The following AGXT2 variants were observed in gnomAD, a reference collection of about 807,000 sequenced individuals.
AGXT2 encodes the protein alanine--glyoxylate aminotransferase 2.
Under a neutral mutation model 62.5 loss-of-function variants are expected in AGXT2, and 61 were observed. The ratio of observed to expected loss-of-function variants is 0.98; its 90% CI spans 0.79 to 1.21. AGXT2 has a LOEUF of 1.21. Among genes scored for constraint, AGXT2 ranks in the 50% most tolerant of loss-of-function variants. The probability of loss-of-function intolerance (pLI) is 0.00; values close to 1 mark genes in which losing one functional copy is unlikely to be tolerated. For missense variants in AGXT2, 666 were observed against 641.5 expected (o/e 1.04, Z -0.41); for synonymous variants, 243 against 218.7 (o/e 1.11, Z -0.98).
In AGXT2 at chr5:35,003,818, T is replaced by A. The variant is rs1766324195; in HGVS notation, c.1382A>T (p.His461Leu). Residue 461 changes from histidine to leucine, a missense_variant, in exon 13 of 14, where the codon CAT (histidine) becomes CTT (leucine). Physicochemically the swap from His to Leu is moderately conservative, Grantham distance 99 (BLOSUM62 -3). Coordinates refer to ENST00000231420, the MANE Select transcript of AGXT2 (RefSeq NM_031900.4). ...GAGTCCCATGTGCTTGCAGTCCTCA[T>A]GGATCTGATTTACTTCTTCACGGGG... ...PLPREEVNQI[H>L]EDCKHMGLLV... 10 of 1,614,218 alleles carry A rather than the reference T, an allele frequency of 6.2e-6. No homozygotes were observed. Among genetic ancestry groups the A allele is most frequent in the Non-Finnish European group, 7.6e-6 (9 of 1,180,036 alleles).
chr5:35,039,564 A>G (rs1767905620), intron 2 of AGXT2, 56 bp from the exon 3 acceptor site: 2 of 1,570,824 alleles, frequency 1.3e-6, no homozygotes, highest in Non-Finnish European at 1.7e-6. Flanking sequence ...ATAGCAGTCA[A>G]TCTATGAGTA....
At chr5:35,015,187 A>C (rs1766804820) in intron 9 of AGXT2, among the ~76,000 whole-genome samples, 1 of 152,236 alleles carries the variant, frequency 6.6e-6, no homozygotes, top group Admixed American at 6.5e-5. Context: ...GTACTCTGGG[A>C]AGGCTGCCAT....
intron 9 of AGXT2, among the ~76,000 whole-genome samples, chr5:35,020,166 C>T (rs994715920): frequency 1.7e-4 from 26 of 152,292 alleles, no homozygotes; most frequent in African/African-American, 6.0e-4. Context: ...TGGTACCATT[C>T]CTTCTGAAAC....
At chr5:35,004,930 G>C (rs1766367549) in intron 12 of AGXT2, among the ~76,000 whole-genome samples, 1 of 152,186 alleles carries the variant, frequency 6.6e-6, no homozygotes, top group African/African-American at 2.4e-5. Flanking sequence ...ACCTCCTAGA[G>C]AGATATGTGC....
chr5:35,008,611 A>G (rs1766515632), intron 12 of AGXT2, among the ~76,000 whole-genome samples: 1 of 152,222 alleles, frequency 6.6e-6, no homozygotes, highest in African/African-American at 2.4e-5. Context: ...AAATAAAATT[A>G]TGAGCTGGGG....
At chr5:35,046,582 G>A (rs1768217369) in intron 1 of AGXT2, among the ~76,000 whole-genome samples, 1 of 152,198 alleles carries the variant, frequency 6.6e-6, no homozygotes, top group Non-Finnish European at 1.5e-5. Context: ...TGTGGAATGA[G>A]ATAATAGTAC....
At position 35,025,781 on chromosome 5, in the gene AGXT2, G is replaced by T; in HGVS notation, c.945C>A (p.Gly315=). 6.2e-7 allele frequency: 1 copy of T among 1,614,006 alleles called. No homozygotes were observed. Among genetic ancestry groups the T allele is most frequent in the East Asian group, 2.2e-5 (1 of 44,868 alleles). The change falls in exon 9 of 14, where the codon GGC becomes GGA. Residue 315 remains glycine (G), a synonymous_variant. Coordinates refer to ENST00000231420, the MANE Select transcript of AGXT2 (RefSeq NM_031900.4). ...CACTTACTTCATCTGCAATGCACAC[G>T]CCTCCCCTTGCTCGCACCAGCTCAA... is the stretch of plus-strand genomic sequence containing the variant. ...EAFELVRARG[G]VCIADEVQTG...
Position 35,033,930 on chromosome 5 carries a change from A to G in AGXT2, c.582-377T>C, listed in dbSNP as rs183075179. On this transcript the variant is annotated intron_variant, in intron 5 of 13. Coordinates refer to ENST00000231420, the MANE Select transcript of AGXT2 (RefSeq NM_031900.4). The stretch of plus-strand genomic sequence containing the variant: ...TTTGGGAAGCCAAATATTTTTTCCT[A>G]TGATATACCTGTTGTTCAATATCTT... Among the ~76,000 whole-genome samples the G allele has an allele frequency of 9.9e-4, 150 of 152,248 alleles. 1 individual carries two copies. The Middle Eastern group carries it at 0.017, about 17-fold the overall frequency.
At chr5:35,016,287 C>G (rs764120270) in intron 9 of AGXT2, among the ~76,000 whole-genome samples, 1 of 152,184 alleles carries the variant, frequency 6.6e-6, no homozygotes, top group Non-Finnish European at 1.5e-5. Context: ...CCAGCTTGCT[C>G]TCATCCTCCC....
intron 13 of AGXT2, among the ~76,000 whole-genome samples, chr5:35,002,272 G>A (rs1437912284): frequency 6.6e-6 from 1 of 152,182 alleles, no homozygotes; most frequent in African/African-American, 2.4e-5. Flanking sequence ...TTTGGGCTGG[G>A]AGAACTTTAA....
rs182045781 is a variant in AGXT2 at position 35,012,151 on chromosome 5, G to A, written c.1188+803C>T. 4.0e-3 allele frequency among the ~76,000 whole-genome samples: 609 copies of A among 152,116 alleles called. 3 individuals carry two copies. The highest frequency in any genetic ancestry group is 0.014 in the African/African-American group (582 of 41,484). ...TACAATGTACACTACTTGGGTGACA[G>A]TGCACTAAAGTCTCAGACTTCACCA... On this transcript the variant is annotated intron_variant, in intron 11 of 13. Transcript: ENST00000231420.
At chr5:35,030,818 G>A (rs1474136263) in intron 7 of AGXT2, among the ~76,000 whole-genome samples, 1 of 152,194 alleles carries the variant, frequency 6.6e-6, no homozygotes, top group Non-Finnish European at 1.5e-5. Flanking sequence ...GGTCTGGGAG[G>A]TGCATCAAAC....
intron 1 of AGXT2, among the ~76,000 whole-genome samples, chr5:35,043,504 T>C (rs1768064569): frequency 6.6e-6 from 1 of 152,128 alleles, no homozygotes. Context: ...AATTATGGCT[T>C]TAATTTACAG....
chr5:35,018,913 G>A (rs1207388224), intron 9 of AGXT2, among the ~76,000 whole-genome samples: 3 of 143,504 alleles, frequency 2.1e-5, no homozygotes, highest in African/African-American at 8.2e-5. Context: ...AAAAAGGCAG[G>A]GGTTGCAATC....
At position 35,046,568 on chromosome 5, in the gene AGXT2, C is replaced by G. The variant is rs117707479; in HGVS notation, c.88+1237G>C. On this transcript the variant is annotated intron_variant, in intron 1 of 13. Coordinates refer to ENST00000231420, the MANE Select transcript of AGXT2 (RefSeq NM_031900.4). Reference sequence around the variant, plus strand: ...GATATTCCTTATTCTCTTGTCTCCTCATTTGTGGAATGAGATAATAGTACT... The same window carrying G: ...GATATTCCTTATTCTCTTGTCTCCTGATTTGTGGAATGAGATAATAGTACT... Among the ~76,000 whole-genome samples the G allele has an allele frequency of 2.0e-3, 308 of 152,262 alleles. 7 individuals carry two copies. In the East Asian group the frequency reaches 0.053, roughly 26 times the overall value.
intron 10 of AGXT2, 25 bp downstream of exon 10, chr5:35,013,962 A>G (rs770704391): frequency 6.2e-7 from 1 of 1,613,840 alleles, no homozygotes; most frequent in East Asian, 2.2e-5. Context: ...CCCAGAAGCA[A>G]ACACAAACTG....
Position 35,014,024 on chromosome 5 carries a change from C to T in AGXT2, c.1059G>A (p.Gly353=), listed in dbSNP as rs369923391. 2.8e-5 allele frequency: 45 copies of T among 1,614,150 alleles called. 2 individuals are homozygous for T. In the South Asian group the frequency reaches 4.8e-4, roughly 17 times the overall value. Residue 353 remains glycine (G), a synonymous_variant, in exon 10 of 14, where the codon GGG becomes GGA. Coordinates refer to ENST00000231420, the MANE Select transcript of AGXT2 (RefSeq NM_031900.4). ...TGACTGCTGCCATGGGAAAGCCATT[C>T]CCAATCCCTTTAGCCATGGTGACAA... ...PDIVTMAKGI[G]NGFPMAAVIT...
chr5:35,042,037 A>G (rs1018644409), intron 1 of AGXT2, among the ~76,000 whole-genome samples: 9 of 152,182 alleles, frequency 5.9e-5, no homozygotes, highest in Non-Finnish European at 1.2e-4. Flanking sequence ...GAGATGGAAA[A>G]AAAATTCTGA....
intron 1 of AGXT2, among the ~76,000 whole-genome samples, chr5:35,044,949 C>T (rs1339845077): frequency 6.6e-6 from 1 of 152,136 alleles, no homozygotes. Context: ...GGAGAAACAT[C>T]TCAGCTGGAA....
Sources: gnomAD v4.1 joint callset for allele counts (sites outside exome capture counted in the v4.1 genomes callset) on GRCh38, gnomAD v4.1.1 for gene constraint, MANE v1.5 for transcripts, NCBI Gene and HGNC (gene_info 2026-07-23, HGNC 2026-07-21) for gene names.